LRBA: variants seen among roughly 807,000 people sequenced by gnomAD.
The protein encoded by LRBA is lipopolysaccharide-responsive and beige-like anchor protein.
In LRBA, 176 loss-of-function variants were observed where a neutral mutation model predicts 330.0. That is an observed-to-expected ratio of 0.53 (90% CI 0.47 to 0.60). The LOEUF is 0.60. LRBA is among the 20% of genes least tolerant of loss of function. The pLI is 0.00. For missense variants in LRBA, 3,259 were observed against 3,444.8 expected (o/e 0.95, Z 1.35); for synonymous variants, 1,230 against 1,193.0 (o/e 1.03, Z -0.64).
At chr4:150,648,899 T>C (rs564402270) in intron 37 of LRBA, among the ~76,000 whole-genome samples, 4 of 152,204 alleles carry the variant, frequency 2.6e-5, no homozygotes, top group East Asian at 1.9e-4. Context: ...ATCTTCTCTC[T>C]TACTCCTCTT....
intron 31 of LRBA, among the ~76,000 whole-genome samples, chr4:150,811,283 G>C (rs1433165624): frequency 6.6e-6 from 1 of 152,136 alleles, no homozygotes. Flanking sequence ...CAATGTATCA[G>C]ACATTTTCTC....
chr4:150,701,617 C>T (rs377107447), intron 36 of LRBA, among the ~76,000 whole-genome samples: 3 of 152,250 alleles, frequency 2.0e-5, no homozygotes. Flanking sequence ...TGGTGCATGA[C>T]TGTGTATATA....
intron 46 of LRBA, among the ~76,000 whole-genome samples, chr4:150,416,034 G>A (rs1747684251): frequency 6.6e-6 from 1 of 152,090 alleles, no homozygotes; most frequent in African/African-American, 2.4e-5. Context: ...CAACCAGGAA[G>A]ATAATTTATT....
chr4:150,331,483 A>G (rs1325190411), intron 48 of LRBA, among the ~76,000 whole-genome samples: 2 of 152,196 alleles, frequency 1.3e-5, no homozygotes, highest in East Asian at 3.9e-4. Context: ...ATGAATCCCC[A>G]CATATCCATT....
intron 36 of LRBA, among the ~76,000 whole-genome samples, chr4:150,691,872 A>G (rs901550607): frequency 3.3e-5 from 5 of 152,286 alleles, no homozygotes; most frequent in Middle Eastern, 6.8e-3. Flanking sequence ...CCAATAATAC[A>G]CACAACAATG....
At chr4:150,964,515 A>G (rs1738658270) in intron 2 of LRBA, among the ~76,000 whole-genome samples, 1 of 150,402 alleles carries the variant, frequency 6.6e-6, no homozygotes, top group African/African-American at 2.5e-5. Flanking sequence ...GTTAATCTAT[A>G]ACCTTACCCC....
intron 7 of LRBA, among the ~76,000 whole-genome samples, chr4:150,916,119 T>G (rs1187976664): frequency 6.6e-6 from 1 of 152,202 alleles, no homozygotes; most frequent in Non-Finnish European, 1.5e-5. Context: ...CTCTAAATTT[T>G]AAGGTACAAA....
At chr4:150,686,358 A>T (rs946749484) in intron 36 of LRBA, among the ~76,000 whole-genome samples, 2 of 152,244 alleles carry the variant, frequency 1.3e-5, no homozygotes, top group African/African-American at 4.8e-5. Context: ...CTATATTTTT[A>T]AAAAAGATTG....
At chr4:150,375,922 G>A (rs1020483529) in intron 47 of LRBA, among the ~76,000 whole-genome samples, 5 of 151,858 alleles carry the variant, frequency 3.3e-5, no homozygotes, top group African/African-American at 7.3e-5. Flanking sequence ...CTCTATCTTC[G>A]ACCATCACTC....
rs1484842153 is a variant in LRBA at position 150,420,445 on chromosome 4, A to T, written c.7042-4855T>A. 6.3e-5 allele frequency among the ~76,000 whole-genome samples: 7 copies of T among 111,078 alleles called. 2 individuals carry two copies. The highest frequency in any genetic ancestry group is 1.3e-4 in the Non-Finnish European group (7 of 55,408). 72.9% of individuals were successfully genotyped at this position (111,078 alleles called of 152,430 possible). The stretch of plus-strand genomic sequence containing the variant: ...TATATATAAAGTATATATAATACAT[A>T]TATAATATATAAAGTATATATAATA... On this transcript the variant is annotated intron_variant, in intron 46 of 56. Transcript: ENST00000651943.
At chr4:150,671,041 T>TGTGTGTGTGTGTGA (rs779665914) in intron 37 of LRBA, among the ~76,000 whole-genome samples, 29 of 142,828 alleles carry the variant, frequency 2.0e-4, no homozygotes, top group Non-Finnish European at 2.9e-4. Flanking sequence ...TGTGTGTGTG[T>TGTGTGTGTGTGTGA]GAGAGAGAGA....
intron 40 of LRBA, among the ~76,000 whole-genome samples, chr4:150,506,257 T>G (rs556500422): frequency 7.9e-5 from 12 of 152,278 alleles, no homozygotes; most frequent in African/African-American, 2.2e-4. Context: ...TACCAAAGCC[T>G]GGCAGAGACA....
chr4:150,739,577 T>C, intron 35 of LRBA, among the ~76,000 whole-genome samples: 1 of 152,192 alleles, frequency 6.6e-6, no homozygotes. Context: ...GAGATGGGGC[T>C]TGCCTCGAAG....
At chr4:150,773,004 A>G (rs2126540558) in intron 34 of LRBA, among the ~76,000 whole-genome samples, 1 of 152,300 alleles carries the variant, frequency 6.6e-6, no homozygotes, top group African/African-American at 2.4e-5. Flanking sequence ...TTTTGGTTAT[A>G]GGAGGGGCCA....
intron 21 of LRBA, 90 bp downstream of exon 21, chr4:150,868,092 G>A (rs1387171178): frequency 2.3e-6 from 3 of 1,308,628 alleles, no homozygotes; most frequent in Non-Finnish European, 2.1e-6. Context: ...TCATTTCACA[G>A]TATTTTTAAA....
intron 34 of LRBA, among the ~76,000 whole-genome samples, chr4:150,791,616 A>ATTTATG (rs1304168397): frequency 1.1e-4 from 17 of 152,322 alleles, no homozygotes; most frequent in African/African-American, 4.1e-4. Flanking sequence ...ATTTGAACTG[A>ATTTATG]GCCTGATTGA....
At chr4:150,625,599 T>C (rs1178428592) in intron 37 of LRBA, among the ~76,000 whole-genome samples, 1 of 151,830 alleles carries the variant, frequency 6.6e-6, no homozygotes, top group Non-Finnish European at 1.5e-5. Flanking sequence ...CCTCTCAATC[T>C]TGCATGAGCA....
chr4:150,615,184 T>G (rs1276319206), intron 37 of LRBA, among the ~76,000 whole-genome samples: 1 of 152,144 alleles, frequency 6.6e-6, no homozygotes, highest in African/African-American at 2.4e-5. Context: ...TTTGGATACA[T>G]AAAGAATAAC....
At chr4:150,634,819 A>G (rs1273367479) in intron 37 of LRBA, among the ~76,000 whole-genome samples, 9 of 152,318 alleles carry the variant, frequency 5.9e-5, no homozygotes, top group African/African-American at 2.2e-4. Flanking sequence ...TCTCAGAAAG[A>G]AACATTTAAT....
Sources: gnomAD v4.1 joint callset for allele counts (sites outside exome capture counted in the v4.1 genomes callset) on GRCh38, gnomAD v4.1.1 for gene constraint, MANE v1.5 for transcripts, NCBI Gene and HGNC (gene_info 2026-07-23, HGNC 2026-07-21) for gene names.